The following LAMA2 variants were observed in gnomAD, a reference collection of about 807,000 sequenced individuals.
The protein encoded by LAMA2 is laminin subunit alpha-2.
LAMA2 carries 269 observed loss-of-function variants against 364.8 expected under a neutral mutation model. The ratio of observed to expected loss-of-function variants is 0.74; its 90% CI spans 0.67 to 0.82. The LOEUF is 0.82. Among genes scored for constraint, LAMA2 ranks in the 40% least tolerant of loss-of-function variants. The pLI is 0.00. For missense variants in LAMA2, 3,807 were observed against 3,873.2 expected (o/e 0.98, Z 0.45); for synonymous variants, 1,379 against 1,370.6 (o/e 1.01, Z -0.14).
In LAMA2 at chr6:129,180,013, C is replaced by T. The variant is rs529365497; in HGVS notation, c.1467+2147C>T. ...CTAGCATTTCAACAAAATATGCATA[C>T]AATTTAAATACTGAAAAGACACTTA... On this transcript the variant is annotated intron_variant, in intron 10 of 64. Transcript: ENST00000421865. 2.6e-5 allele frequency among the ~76,000 whole-genome samples: 4 copies of T among 151,000 alleles called. No individual in the cohort carries two copies. The South Asian group carries it at 6.3e-4, about 24-fold the overall frequency.
At chr6:128,957,690 A>C (rs1582767408) in intron 1 of LAMA2, among the ~76,000 whole-genome samples, 1 of 5,606 alleles carries the variant, frequency 1.8e-4, no homozygotes, top group East Asian at 6.3e-3. Context: ...TGTTTCACTG[A>C]TGATCTTGTT....
chr6:129,328,273 T>G lies in LAMA2; in HGVS notation c.4177-5T>G. 1 of 1,614,034 alleles carries G rather than the reference T, an allele frequency of 6.2e-7. No individual in the cohort carries two copies. The highest frequency in any genetic ancestry group is 8.5e-7 in the Non-Finnish European group (1 of 1,179,918). ...GCTGTCCTAATTGGCTTCCTTTTCTTTCAGGCATGCTTGCCGGGATTTTAT... is the reference window on the plus strand; with the variant it reads ...GCTGTCCTAATTGGCTTCCTTTTCTGTCAGGCATGCTTGCCGGGATTTTAT... On this transcript the variant is annotated splice_polypyrimidine_tract_variant and splice_region_variant and intron_variant, in intron 28 of 64. Transcript: ENST00000421865.
intron 12 of LAMA2, among the ~76,000 whole-genome samples, chr6:129,249,465 T>C (rs913122754): frequency 6.6e-6 from 1 of 152,190 alleles, no homozygotes; most frequent in Admixed American, 6.6e-5. Context: ...GGGCTTGGCA[T>C]GTATATTAGA....
intron 1 of LAMA2, among the ~76,000 whole-genome samples, chr6:128,903,367 G>T (rs1191901276): frequency 1.3e-5 from 2 of 152,088 alleles, no homozygotes; most frequent in African/African-American, 4.8e-5. Flanking sequence ...TGTACATTCT[G>T]TATTAAAATG....
At chr6:128,941,689 G>C (rs1780170406) in intron 1 of LAMA2, among the ~76,000 whole-genome samples, 1 of 152,118 alleles carries the variant, frequency 6.6e-6, no homozygotes, top group South Asian at 2.1e-4. Flanking sequence ...AAAAATAATG[G>C]AGATGGTAAA....
intron 12 of LAMA2, among the ~76,000 whole-genome samples, chr6:129,234,457 G>A (rs892659956): frequency 6.6e-6 from 1 of 152,070 alleles, no homozygotes; most frequent in South Asian, 2.1e-4. Flanking sequence ...GATGTTCAAA[G>A]TATAACAAAG....
At chr6:129,091,750 A>G (rs1426422627) in intron 3 of LAMA2, among the ~76,000 whole-genome samples, 2 of 152,232 alleles carry the variant, frequency 1.3e-5, no homozygotes, top group Non-Finnish European at 2.9e-5. Flanking sequence ...ATGTAAACTT[A>G]TAAGGGGACA....
intron 13 of LAMA2, 80 bp from the exon 14 acceptor site, chr6:129,252,004 T>C (rs1426342269): frequency 2.3e-6 from 2 of 859,136 alleles, no homozygotes; most frequent in Non-Finnish European, 3.9e-6. Flanking sequence ...GGGTGGAGGA[T>C]ACAAATATAG....
chr6:129,273,143 T>C (rs1050274158), intron 17 of LAMA2, among the ~76,000 whole-genome samples: 3 of 152,094 alleles, frequency 2.0e-5, no homozygotes, highest in African/African-American at 7.2e-5. Context: ...TGAAATATAT[T>C]CCTTCATAAT....
At chr6:129,079,141 A>T (rs1407956631) in intron 3 of LAMA2, among the ~76,000 whole-genome samples, 2 of 152,136 alleles carry the variant, frequency 1.3e-5, no homozygotes, top group African/African-American at 4.8e-5. Context: ...ATGGGCTTCA[A>T]TCTTTAAGGT....
chr6:129,012,688 A>G (rs1018125582), intron 1 of LAMA2, among the ~76,000 whole-genome samples: 2 of 152,222 alleles, frequency 1.3e-5, no homozygotes, highest in African/African-American at 4.8e-5. Flanking sequence ...TTCATAAAGA[A>G]TATGTTCCAT....
intron 3 of LAMA2, among the ~76,000 whole-genome samples, chr6:129,092,025 T>C (rs1347251707): frequency 6.6e-6 from 1 of 152,166 alleles, no homozygotes; most frequent in African/African-American, 2.4e-5. Flanking sequence ...GAATCCTCTG[T>C]TGTACACAGA....
intron 14 of LAMA2, among the ~76,000 whole-genome samples, chr6:129,258,402 A>G (rs1562387191): frequency 6.6e-6 from 1 of 152,210 alleles, no homozygotes; most frequent in African/African-American, 2.4e-5. Context: ...TGCAGTGAAC[A>G]TTAGTCATTA....
At chr6:129,160,490 A>G (rs1779383131) in intron 8 of LAMA2, among the ~76,000 whole-genome samples, 2 of 151,880 alleles carry the variant, frequency 1.3e-5, no homozygotes, top group Admixed American at 6.6e-5. Context: ...TTTATTGATC[A>G]CTTATGTTAG....
chr6:129,254,406 G>A (rs994905171), intron 14 of LAMA2, among the ~76,000 whole-genome samples: 5 of 152,172 alleles, frequency 3.3e-5, no homozygotes, highest in African/African-American at 1.2e-4. Context: ...TGTAAAATAA[G>A]GAGGAGGACA....
chr6:128,971,438 G>A (rs6908604), intron 1 of LAMA2, among the ~76,000 whole-genome samples: 32,818 of 151,972 alleles, frequency 0.22, 5,254 homozygotes, highest in African/African-American at 0.45. Context: ...GGTGAATGTG[G>A]GAATATGGAG....
intron 1 of LAMA2, among the ~76,000 whole-genome samples, chr6:128,943,556 A>G (rs1780307791): frequency 6.6e-6 from 1 of 151,958 alleles, no homozygotes; most frequent in Non-Finnish European, 1.5e-5. Flanking sequence ...GCTTCTCAAT[A>G]TGCTGAAATT....
At chr6:129,248,181 A>T (rs1260950700) in intron 12 of LAMA2, among the ~76,000 whole-genome samples, 3 of 152,150 alleles carry the variant, frequency 2.0e-5, no homozygotes, top group African/African-American at 7.2e-5. Context: ...TCCTTATGAG[A>T]ATCTAATGCC....
intron 29 of LAMA2, among the ~76,000 whole-genome samples, chr6:129,338,294 T>C (rs1277871932): frequency 6.6e-6 from 1 of 152,228 alleles, no homozygotes; most frequent in Non-Finnish European, 1.5e-5. Flanking sequence ...ATCCCATGTA[T>C]TTTTGGCACA....
Sources: gnomAD v4.1 joint callset for allele counts (sites outside exome capture counted in the v4.1 genomes callset) on GRCh38, gnomAD v4.1.1 for gene constraint, MANE v1.5 for transcripts, NCBI Gene and HGNC (gene_info 2026-07-23, HGNC 2026-07-21) for gene names.